Variants in SLC36A3 observed in about 807,000 individuals in gnomAD.
The protein encoded by SLC36A3 is proton-coupled amino acid transporter 3.
In SLC36A3, 35 loss-of-function variants were observed where a neutral mutation model predicts 44.3. That is an observed-to-expected ratio of 0.79 (90% CI 0.60 to 1.05). SLC36A3 has a LOEUF of 1.05. Ranked by LOEUF, SLC36A3 falls within the 50% of genes least tolerant of loss-of-function variation. The probability of loss-of-function intolerance (pLI) is 0.00; values close to 1 mark genes in which losing one functional copy is unlikely to be tolerated. For synonymous variants in SLC36A3, 211 were observed against 227.6 expected (o/e 0.93, Z 0.66); for missense variants, 540 against 578.7 (o/e 0.93, Z 0.69).
chr5:151,277,715 T>C, intron 9 of SLC36A3, 54 bp from the exon 10 acceptor site: 1 of 1,570,470 alleles, frequency 6.4e-7, no homozygotes, highest in South Asian at 1.2e-5. Flanking sequence ...AACAAGCCAT[T>C]GCTTTGGAGC....
intron 6 of SLC36A3, 100 bp downstream of exon 6, chr5:151,287,146 C>T (rs991421260): frequency 3.7e-5 from 44 of 1,195,024 alleles, no homozygotes; most frequent in Non-Finnish European, 4.9e-5. Context: ...AGCAGAGGAT[C>T]ACCTTCCTCA....
At chr5:151,278,488 T>C (rs1174719055) in intron 9 of SLC36A3, among the ~76,000 whole-genome samples, 2 of 152,244 alleles carry the variant, frequency 1.3e-5, no homozygotes, top group African/African-American at 4.8e-5. Context: ...ATGTATACTA[T>C]GTGTATGTAG....
In SLC36A3 at chr5:151,276,919, G is replaced by T. The variant is rs1754110802; in HGVS notation, c.*474C>A. ...TAGGAAATCAGTGGCGGAGCCAGTGGTTGGACAAAATTACTGCTGAGTTCT... is the reference window on the plus strand; with the variant it reads ...TAGGAAATCAGTGGCGGAGCCAGTGTTTGGACAAAATTACTGCTGAGTTCT... On this transcript the variant is annotated 3_prime_UTR_variant, in exon 10 of 10. Transcript: ENST00000335230. 6.3e-6 allele frequency: 1 copy of T among 158,422 alleles called. No homozygotes were observed. 9.8% of individuals were successfully genotyped at this position (158,422 alleles called of 1,614,324 possible).
At chr5:151,282,397 A>G (rs1281484248) in intron 8 of SLC36A3, among the ~76,000 whole-genome samples, 1 of 151,616 alleles carries the variant, frequency 6.6e-6, no homozygotes, top group African/African-American at 2.4e-5. Context: ...CGAACTCCCA[A>G]CCTCAGGTGA....
At chr5:151,287,757 C>T (rs962285124) in intron 5 of SLC36A3, among the ~76,000 whole-genome samples, 1 of 152,142 alleles carries the variant, frequency 6.6e-6, no homozygotes, top group African/African-American at 2.4e-5. Context: ...TCTACTCAAA[C>T]CTTTTCTTCT....
chr5:151,277,408 T>C lies in SLC36A3; in HGVS notation c.1398A>G (p.Thr466=). ...QPISHSMANS[T]GVHA ...AAACAGATAATTATGCATGGACACCTGTGGAGTTGGCCATGGAATGGCTGA... is the reference window on the plus strand; with the variant it reads ...AAACAGATAATTATGCATGGACACCCGTGGAGTTGGCCATGGAATGGCTGA... Residue 466 remains threonine (T), a synonymous_variant, in exon 10 of 10, where the codon ACA becomes ACG. Transcript: ENST00000335230. 2 of 1,614,190 alleles carry C rather than the reference T, an allele frequency of 1.2e-6. No individual in the cohort carries two copies. Among genetic ancestry groups the C allele is most frequent in the Non-Finnish European group, 1.7e-6 (2 of 1,180,034 alleles).
rs58121505 is a variant in SLC36A3 at position 151,299,394 on chromosome 5, T to TATATATATATATATATATA, written c.129-712_129-711insTATATATATATATATATAT. Among the ~76,000 whole-genome samples, 10 of 133,004 alleles carry TATATATATATATATATATA rather than the reference T, an allele frequency of 7.5e-5. 1 individual carries two copies. Among genetic ancestry groups the TATATATATATATATATATA allele is most frequent in the African/African-American group, 2.7e-4 (10 of 36,622 alleles). 87.3% of individuals were successfully genotyped at this position (133,004 alleles called of 152,430 possible). A position where few individuals can be genotyped will look rare whatever the true frequency, so the allele number is the denominator to read the frequency against. On this transcript the variant is annotated intron_variant, in intron 1 of 9. Transcript: ENST00000335230. ...GGTGATATATATATATATATATATA[T>TATATATATATATATATATA]TATATATATATGAATTGCTATATAT...
intron 3 of SLC36A3, among the ~76,000 whole-genome samples, chr5:151,294,519 T>TA (rs570160779): frequency 1.4e-3 from 211 of 152,228 alleles, no homozygotes; most frequent in African/African-American, 5.1e-3. Context: ...GAAGCACATC[T>TA]AAAAAATGAA....
chr5:151,294,786 C>T (rs777181677), intron 3 of SLC36A3, among the ~76,000 whole-genome samples: 13 of 152,090 alleles, frequency 8.5e-5, no homozygotes, highest in Middle Eastern at 3.4e-3. Context: ...TGCACCACCA[C>T]GCCTGGCTAA....
chr5:151,293,281 C>T (rs1327981187), intron 4 of SLC36A3, 83 bp downstream of exon 4: 1 of 1,174,090 alleles, frequency 8.5e-7, no homozygotes, highest in African/African-American at 1.5e-5. Context: ...AGAGCATATT[C>T]ATTTAAAACC....
chr5:151,277,273 A>G lies in SLC36A3; in HGVS notation c.*120T>C, dbSNP rs75640922. 419 of 1,316,216 alleles carry G rather than the reference A, an allele frequency of 3.2e-4. 4 individuals carry two copies. In the African/African-American group the frequency reaches 5.3e-3, roughly 17 times the overall value. The allele number at this position is 1,316,216 out of a possible 1,614,324, so 81.5% of individuals were successfully genotyped here. A position where few individuals can be genotyped will look rare whatever the true frequency, so the allele number is the denominator to read the frequency against. ...TTTCTCATCTGCATTTCTCTTGGAA[A>G]GATAAAGACGCCACTAATTAATATA... On this transcript the variant is annotated 3_prime_UTR_variant, in exon 10 of 10. Transcript: ENST00000335230.
At position 151,288,447 on chromosome 5, in the gene SLC36A3, A is replaced by G. The variant is rs768765342; in HGVS notation, c.428T>C (p.Val143Ala). The change falls in exon 5 of 10, where the codon GTC (valine) becomes GCC (alanine). Residue 143 changes from valine (V) to alanine (A), a missense_variant. By Grantham distance (64) the Val-to-Ala change is moderately conservative. Coordinates refer to ENST00000335230, the MANE Select transcript of SLC36A3 (RefSeq NM_181774.4). ...ACTGCAGAAGCCCAGCTGGGTGATG[A>G]CTAATAAGAAGCTGACAGTGTACCT... ...WGRYTVSFLL[V>A]ITQLGFCSVY... 1.3e-6 allele frequency: 2 copies of G among 1,590,034 alleles called. No individual in the cohort carries two copies. The highest frequency in any genetic ancestry group is 1.7e-6 in the Non-Finnish European group (2 of 1,167,592).
chr5:151,281,090 A>G lies in SLC36A3; in HGVS notation c.1068T>C (p.Phe356=), dbSNP rs1432881553. Residue 356 remains phenylalanine (F), a synonymous_variant, in exon 9 of 10, where the codon TTT becomes TTC. Transcript: ENST00000335230. ...AGCTCTCTGACACTTGGGAGATGGC[A>G]AACGGGATGATGATCTCAGCTGGGA... ...FHVPAEIIIP[F]AISQVSESWA... The G allele has an allele frequency of 1.2e-6, 2 of 1,614,094 alleles. No homozygotes were observed. The highest frequency in any genetic ancestry group is 2.2e-5 in the East Asian group (1 of 44,902).
At chr5:151,300,213 C>G (rs1271754433) in intron 1 of SLC36A3, among the ~76,000 whole-genome samples, 1 of 152,194 alleles carries the variant, frequency 6.6e-6, no homozygotes, top group Non-Finnish European at 1.5e-5. Context: ...AGACAGTGCT[C>G]ACATCTCTTT....
chr5:151,286,849 C>G (rs1240773013), intron 6 of SLC36A3, among the ~76,000 whole-genome samples: 1 of 152,164 alleles, frequency 6.6e-6, no homozygotes, highest in African/African-American at 2.4e-5. Context: ...ACCACTTTTA[C>G]AATTTTTTTG....
intron 1 of SLC36A3, among the ~76,000 whole-genome samples, chr5:151,299,258 C>CTATATATATATATATA (rs1488673598): frequency 1.5e-5 from 1 of 68,070 alleles, no homozygotes; most frequent in Non-Finnish European, 2.8e-5. Context: ...CTCTCTCTCT[C>CTATATATATATATATA]TCTCTCTATA....
At chr5:151,286,464 T>A (rs1754539001) in intron 6 of SLC36A3, among the ~76,000 whole-genome samples, 1 of 152,102 alleles carries the variant, frequency 6.6e-6, no homozygotes, top group South Asian at 2.1e-4. Flanking sequence ...CACTAATTTT[T>A]AAATTTTTTG....
At chr5:151,298,796 A>G (rs1755050027) in intron 1 of SLC36A3, 113 bp from the exon 2 acceptor site, 4 of 947,216 alleles carry the variant, frequency 4.2e-6, no homozygotes, top group Non-Finnish European at 6.6e-6. Context: ...GAGGGGCAAA[A>G]CCTGATGAGG....
intron 3 of SLC36A3, among the ~76,000 whole-genome samples, chr5:151,295,539 A>T (rs887349664): frequency 2.0e-5 from 3 of 152,028 alleles, no homozygotes; most frequent in Admixed American, 6.5e-5. Context: ...GACTTTTGAG[A>T]CCTTTCTTCA....
Sources: gnomAD v4.1 joint callset for allele counts (sites outside exome capture counted in the v4.1 genomes callset) on GRCh38, gnomAD v4.1.1 for gene constraint, MANE v1.5 for transcripts, NCBI Gene and HGNC (gene_info 2026-07-23, HGNC 2026-07-21) for gene names.